MARCHF1: variants seen among roughly 807,000 people sequenced by gnomAD.
MARCHF1 encodes E3 ubiquitin-protein ligase MARCHF1.
A neutral mutation model predicts 54.2 loss-of-function variants in MARCHF1; 40 were observed. The ratio of observed to expected loss-of-function variants is 0.74; its 90% CI spans 0.57 to 0.96. The LOEUF (loss-of-function observed/expected upper bound fraction) is 0.96. Ranked by LOEUF, MARCHF1 falls within the 40% of genes least tolerant of loss-of-function variation. MARCHF1 has a pLI of 0.00. For synonymous variants in MARCHF1, 236 were observed against 236.3 expected (o/e 1.00, Z 0.01); for missense variants, 586 against 656.5 (o/e 0.89, Z 1.17).
intron 1 of MARCHF1, among the ~76,000 whole-genome samples, chr4:164,382,209 A>G (rs550467060): frequency 6.6e-6 from 1 of 152,310 alleles, no homozygotes; most frequent in East Asian, 1.9e-4. Context: ...ATAATTTTCT[A>G]TCAAATCTGT....
intron 3 of MARCHF1, among the ~76,000 whole-genome samples, chr4:163,893,491 C>A (rs1194573496): frequency 6.6e-6 from 1 of 152,082 alleles, no homozygotes; most frequent in Non-Finnish European, 1.5e-5. Context: ...TAGTTGGGAA[C>A]AAAGGCACTC....
At chr4:164,056,266 G>A (rs1471734693) in intron 2 of MARCHF1, among the ~76,000 whole-genome samples, 6 of 152,158 alleles carry the variant, frequency 3.9e-5, no homozygotes, top group African/African-American at 1.2e-4. Context: ...AACAGAAAGT[G>A]CCTGGGAATT....
intron 8 of MARCHF1, among the ~76,000 whole-genome samples, chr4:163,556,632 A>G (rs1739299689): frequency 6.6e-6 from 1 of 151,794 alleles, no homozygotes; most frequent in Non-Finnish European, 1.5e-5. Context: ...ATATATAAAT[A>G]AAACAGAATA....
chr4:164,138,718 A>T (rs1420953852), intron 1 of MARCHF1, among the ~76,000 whole-genome samples: 1 of 152,158 alleles, frequency 6.6e-6, no homozygotes, highest in African/African-American at 2.4e-5. Flanking sequence ...GAAGAGGGAG[A>T]TTCATCACCT....
intron 4 of MARCHF1, among the ~76,000 whole-genome samples, chr4:163,832,604 A>ATTATTATT (rs1491521260): frequency 9.4e-5 from 6 of 63,958 alleles, no homozygotes; most frequent in Non-Finnish European, 2.8e-4. Flanking sequence ...TTATTATTAT[A>ATTATTATT]ATACTTTAAG....
chr4:164,179,760 T>TTA (rs1579599895), intron 1 of MARCHF1, among the ~76,000 whole-genome samples: 4 of 151,850 alleles, frequency 2.6e-5, no homozygotes, highest in East Asian at 1.9e-4. Context: ...CATCTGGCAA[T>TTA]ATCTCTTTTT....
At chr4:164,095,310 A>C (rs1392690544) in intron 2 of MARCHF1, among the ~76,000 whole-genome samples, 3 of 152,180 alleles carry the variant, frequency 2.0e-5, no homozygotes, top group East Asian at 3.9e-4. Flanking sequence ...AAGCATAGTA[A>C]TAGCATATAT....
At chr4:164,235,760 G>A (rs187706805) in intron 1 of MARCHF1, among the ~76,000 whole-genome samples, 1,596 of 151,258 alleles carry the variant, frequency 0.011, 11 homozygotes, top group Middle Eastern at 0.065. Flanking sequence ...GGGCCCTGGG[G>A]ATAAAAAAAA....
intron 1 of MARCHF1, among the ~76,000 whole-genome samples, chr4:164,245,648 G>A (rs74455052): frequency 0.78 from 106,983 of 137,668 alleles, 41,076 homozygotes; most frequent in South Asian, 0.85. Context: ...TAGGAAAAGA[G>A]GAAGTCAAAT....
Position 164,062,606 on chromosome 4 carries a change from C to T in MARCHF1, c.-248+48982G>A, listed in dbSNP as rs188842412. ...GTGGCGCGATCTCGGCTCACTGCAA[C>T]CTCCACCTCCTGGGTTCCAGCTATT... On this transcript the variant is annotated intron_variant, in intron 2 of 9. Coordinates refer to ENST00000514618, the MANE Select transcript of MARCHF1 (RefSeq NM_001394959.1). 7.1e-3 allele frequency among the ~76,000 whole-genome samples: 1,082 copies of T among 152,176 alleles called. 14 individuals are homozygous for T. The highest frequency in any genetic ancestry group is 0.025 in the African/African-American group (1,033 of 41,508).
At chr4:163,998,397 T>G (rs1753121308) in intron 2 of MARCHF1, among the ~76,000 whole-genome samples, 1 of 151,644 alleles carries the variant, frequency 6.6e-6, no homozygotes, top group African/African-American at 2.4e-5. Context: ...ATACTCATGT[T>G]AATTAATATT....
intron 4 of MARCHF1, among the ~76,000 whole-genome samples, chr4:163,799,937 A>G (rs1424467881): frequency 1.3e-5 from 2 of 152,198 alleles, no homozygotes; most frequent in African/African-American, 2.4e-5. Context: ...CATAGATACC[A>G]TGGAATAGTA....
chr4:164,290,233 GT>G (rs777550876), intron 1 of MARCHF1, among the ~76,000 whole-genome samples: 2 of 151,904 alleles, frequency 1.3e-5, no homozygotes, highest in Non-Finnish European at 2.9e-5. Flanking sequence ...GAGCTTGCCA[GT>G]AACTCAGTAC....
intron 8 of MARCHF1, among the ~76,000 whole-genome samples, chr4:163,559,763 T>TA (rs1376186346): frequency 1.3e-5 from 2 of 152,288 alleles, no homozygotes; most frequent in African/African-American, 4.8e-5. Flanking sequence ...CAGAGGAGTG[T>TA]CCCCTTCCTT....
intron 1 of MARCHF1, among the ~76,000 whole-genome samples, chr4:164,150,104 T>A (rs933324708): frequency 1.3e-5 from 2 of 152,220 alleles, no homozygotes; most frequent in Non-Finnish European, 2.9e-5. Context: ...TTAGGTTTTA[T>A]GTGCACACAA....
At chr4:163,585,651 G>T in intron 8 of MARCHF1, 98 bp downstream of exon 8, 1 of 948,434 alleles carries the variant, frequency 1.1e-6, no homozygotes, top group Non-Finnish European at 1.6e-6. Context: ...ATGGATATTA[G>T]CATATTAGGA....
chr4:164,341,081 T>A (rs982055566), intron 1 of MARCHF1, among the ~76,000 whole-genome samples: 1 of 152,106 alleles, frequency 6.6e-6, no homozygotes, highest in Non-Finnish European at 1.5e-5. Flanking sequence ...CATTTGTACA[T>A]CTCTAAATGT....
intron 1 of MARCHF1, among the ~76,000 whole-genome samples, chr4:164,127,262 G>A (rs1210630310): frequency 6.6e-6 from 1 of 152,160 alleles, no homozygotes; most frequent in African/African-American, 2.4e-5. Flanking sequence ...TTTTGAAGGT[G>A]TGGCTTGTCT....
chr4:163,747,101 A>G (rs1016480867), intron 4 of MARCHF1, among the ~76,000 whole-genome samples: 1 of 152,190 alleles, frequency 6.6e-6, no homozygotes, highest in Non-Finnish European at 1.5e-5. Context: ...TGCAACGTTA[A>G]GGGGCTGCAC....
Sources: allele counts gnomAD v4.1 joint callset (sites outside exome capture counted in the v4.1 genomes callset), GRCh38; gene constraint gnomAD v4.1.1; transcripts MANE v1.5; gene names NCBI Gene and HGNC (gene_info 2026-07-23, HGNC 2026-07-21).